Variants in ERP27 observed in about 807,000 individuals in gnomAD.
ERP27 encodes the protein endoplasmic reticulum protein 27.
Under a neutral mutation model 27.7 loss-of-function variants are expected in ERP27, and 23 were observed. The observed-to-expected ratio is 0.83, with a 90% CI of 0.60 to 1.18. The LOEUF (loss-of-function observed/expected upper bound fraction) is 1.18, where lower values mean the gene tolerates loss of function less well. ERP27 is among the 50% of genes most tolerant of loss of function. The pLI, the probability that ERP27 is intolerant of heterozygous loss-of-function variation, is 0.00. For missense variants in ERP27, 363 were observed against 327.9 expected (o/e 1.11, Z -0.83); for synonymous variants, 159 against 118.3 (o/e 1.34, Z -2.23).
intron 2 of ERP27, 181 bp from the exon 3 acceptor site, chr12:14,935,174 A>G (rs891077215): frequency 2.0e-5 from 20 of 985,124 alleles, no homozygotes; most frequent in African/African-American, 3.5e-5. Context: ...TGAATTTTCC[A>G]GGCTCTGTAA....
At chr12:14,924,898 G>C (rs974522123) in intron 3 of ERP27, among the ~76,000 whole-genome samples, 5 of 152,244 alleles carry the variant, frequency 3.3e-5, no homozygotes, top group Non-Finnish European at 7.3e-5. Flanking sequence ...TCAAGATGGT[G>C]AGGAGCATGA....
At chr12:14,918,712 A>C (rs1255464331) in intron 4 of ERP27, among the ~76,000 whole-genome samples, 1 of 152,180 alleles carries the variant, frequency 6.6e-6, no homozygotes, top group East Asian at 1.9e-4. Flanking sequence ...TTTTTTACAC[A>C]AGTTTGTAAA....
chr12:14,925,702 T>C (rs887196212), intron 3 of ERP27, among the ~76,000 whole-genome samples: 1 of 152,220 alleles, frequency 6.6e-6, no homozygotes, highest in Non-Finnish European at 1.5e-5. Context: ...TAAATGTTTA[T>C]CAGGTCACTT....
At chr12:14,915,749 T>A in intron 5 of ERP27, 63 bp from the exon 6 acceptor site, 4 of 1,424,408 alleles carry the variant, frequency 2.8e-6, no homozygotes, top group South Asian at 2.4e-5. Context: ...GATAAAGAGA[T>A]ACCTTGTAAT....
At position 14,926,556 on chromosome 12, in the gene ERP27, C is replaced by T. The variant is rs200100710; in HGVS notation, c.334-5508G>A. On this transcript the variant is annotated intron_variant, in intron 3 of 6. Transcript: ENST00000266397. ...ACTGAGTATTTTATATTATTTTCTTCTTTCCCTTTATTGGCTTAGAAGTTA... is the reference window on the plus strand; with the variant it reads ...ACTGAGTATTTTATATTATTTTCTTTTTTCCCTTTATTGGCTTAGAAGTTA... Among the ~76,000 whole-genome samples the T allele has an allele frequency of 2.6e-5, 4 of 152,182 alleles. No individual in the cohort carries two copies. In the East Asian group the frequency reaches 7.7e-4, roughly 29 times the overall value.
At chr12:14,921,531 A>G (rs543311643) in intron 3 of ERP27, among the ~76,000 whole-genome samples, 18 of 152,318 alleles carry the variant, frequency 1.2e-4, no homozygotes, top group Admixed American at 1.2e-3. Flanking sequence ...AGTGTTCTGA[A>G]GCCAAGGCAT....
Position 14,921,853 on chromosome 12 carries a change from T to C in ERP27, c.334-805A>G, listed in dbSNP as rs182357837. Among the ~76,000 whole-genome samples the C allele has an allele frequency of 5.3e-5, 8 of 152,290 alleles. No homozygotes were observed. The East Asian group carries it at 5.8e-4, about 11-fold the overall frequency. On this transcript the variant is annotated intron_variant, in intron 3 of 6. Coordinates refer to ENST00000266397, the MANE Select transcript of ERP27 (RefSeq NM_152321.4). ...CCATTTTCATCCTTTCCTTTATACCTTTATAACTTAAAGATGCTTCTTTTA... is the reference window on the plus strand; with the variant it reads ...CCATTTTCATCCTTTCCTTTATACCCTTATAACTTAAAGATGCTTCTTTTA...
intron 3 of ERP27, among the ~76,000 whole-genome samples, chr12:14,930,924 G>A (rs1309743180): frequency 6.6e-6 from 1 of 152,154 alleles, no homozygotes; most frequent in Non-Finnish European, 1.5e-5. Flanking sequence ...TAGGAGGCTA[G>A]AGGAATAAAT....
chr12:14,929,840 T>C (rs979293774), intron 3 of ERP27, among the ~76,000 whole-genome samples: 3 of 152,210 alleles, frequency 2.0e-5, no homozygotes, highest in African/African-American at 7.2e-5. Context: ...GCCACAGTTA[T>C]AGTATTAAAT....
intron 3 of ERP27, among the ~76,000 whole-genome samples, chr12:14,926,115 G>C (rs1863598617): frequency 6.6e-6 from 1 of 151,772 alleles, no homozygotes; most frequent in Non-Finnish European, 1.5e-5. Context: ...TGTGGCTTTA[G>C]CCATCTTTTT....
In ERP27 at chr12:14,917,293, C is replaced by A. The variant is rs201382185; in HGVS notation, c.461G>T (p.Gly154Val). The A allele has an allele frequency of 6.2e-7, 1 of 1,613,964 alleles. No homozygotes were observed. The highest frequency in any genetic ancestry group is 8.5e-7 in the Non-Finnish European group (1 of 1,180,004). ...AATCTGAATTACGCTGTTGAATAAC[C>A]CAATCACAGTCTGGCAAGTCGAAAT... ...VTEYNPVTVI[G>V]LFNSVIQIHL... Residue 154 changes from glycine (G) to valine (V), a missense_variant, in exon 5 of 7, where the codon GGG (glycine) becomes GTG (valine). Gly to Val is a moderately radical substitution (Grantham distance 109, BLOSUM62 -3). Transcript: ENST00000266397.
At chr12:14,930,608 C>G (rs1368580640) in intron 3 of ERP27, among the ~76,000 whole-genome samples, 4 of 143,464 alleles carry the variant, frequency 2.8e-5, no homozygotes, top group Non-Finnish European at 6.1e-5. Context: ...CCTCACACAG[C>G]AAGACTGTTA....
At position 14,938,026 on chromosome 12, in the gene ERP27, T is replaced by C. The variant is rs754919702; in HGVS notation, c.121A>G (p.Thr41Ala). 9 of 1,614,104 alleles carry C rather than the reference T, an allele frequency of 5.6e-6. No homozygotes were observed. In the South Asian group the frequency reaches 9.9e-5, roughly 18 times the overall value. Residue 41 changes from threonine to alanine, a missense_variant, in exon 2 of 7, where the codon ACG becomes GCG. Physicochemically the swap from Thr to Ala is moderately conservative, Grantham distance 58 (BLOSUM62 0). Transcript: ENST00000266397. ...GCAGCTGGGACATCTGTGAGCCACG[T>C]GGGTTCCTGGGCAGCACCAGGACCA... ...SDGPGAAQEP[T>A]WLTDVPAAME...
intron 5 of ERP27, 45 bp downstream of exon 5, chr12:14,917,133 T>C (rs1408730605): frequency 6.2e-7 from 1 of 1,612,082 alleles, no homozygotes; most frequent in Non-Finnish European, 8.5e-7. Flanking sequence ...TTTCCTAGTG[T>C]CCTGGAGGTG....
chr12:14,922,933 G>A (rs150833266), intron 3 of ERP27, among the ~76,000 whole-genome samples: 13 of 152,234 alleles, frequency 8.5e-5, no homozygotes, highest in Non-Finnish European at 1.5e-4. Context: ...AAATTAGCTG[G>A]TGGTGCACGC....
chr12:14,915,885 G>A, intron 5 of ERP27, 199 bp from the exon 6 acceptor site: 1 of 579,834 alleles, frequency 1.7e-6, no homozygotes, highest in Non-Finnish European at 3.0e-6. Context: ...GGATGGGGCT[G>A]GAGGCTATTA....
At chr12:14,931,444 CTG>C (rs1267397336) in intron 3 of ERP27, among the ~76,000 whole-genome samples, 1 of 149,462 alleles carries the variant, frequency 6.7e-6, no homozygotes, top group Non-Finnish European at 1.5e-5. Flanking sequence ...AAAGTGTAAA[CTG>C]TGAAAAAAAT....
chr12:14,928,081 A>G (rs1158793764), intron 3 of ERP27, among the ~76,000 whole-genome samples: 2 of 152,144 alleles, frequency 1.3e-5, no homozygotes, highest in Non-Finnish European at 2.9e-5. Flanking sequence ...TCCATTTCCT[A>G]CAATAGTTTG....
chr12:14,919,500 AC>A (rs1459995370), intron 4 of ERP27, among the ~76,000 whole-genome samples: 1 of 152,108 alleles, frequency 6.6e-6, no homozygotes, highest in Non-Finnish European at 1.5e-5. Context: ...TACTGCCAAT[AC>A]CCCAGGGGCA....
Sources: gnomAD v4.1 joint callset for allele counts (sites outside exome capture counted in the v4.1 genomes callset) on GRCh38, gnomAD v4.1.1 for gene constraint, MANE v1.5 for transcripts, NCBI Gene and HGNC (gene_info 2026-07-23, HGNC 2026-07-21) for gene names.